The following ELOVL2 variants were observed in gnomAD, a reference collection of about 807,000 sequenced individuals.
ELOVL2 encodes ELOVL fatty acid elongase 2, also known as very long chain fatty acid elongase 2.
Under a neutral mutation model 37.7 loss-of-function variants are expected in ELOVL2, and 38 were observed. The observed-to-expected ratio is 1.01, with a 90% CI of 0.78 to 1.32. ELOVL2 has a LOEUF of 1.32. ELOVL2 is among the 40% of genes most tolerant of loss of function. ELOVL2 has a pLI of 0.00. For missense variants in ELOVL2, 352 were observed against 363.6 expected, an observed-to-expected ratio of 0.97 and a Z score of 0.26; for synonymous variants, 115 against 122.3, an observed-to-expected ratio of 0.94 and a Z score of 0.40.
At position 10,982,121 on chromosome 6, in the gene ELOVL2, G is replaced by C. The variant is rs1330549365; in HGVS notation, c.*1660C>G. 6.6e-6 allele frequency: 1 copy of C among 152,206 alleles called. No individual in the cohort carries two copies. Among genetic ancestry groups the C allele is most frequent in the Non-Finnish European group, 1.5e-5 (1 of 68,064 alleles). 9.4% of individuals were successfully genotyped at this position (152,206 alleles called of 1,614,324 possible). On this transcript the variant is annotated 3_prime_UTR_variant, in exon 8 of 8. Transcript: ENST00000354666. ...CAGGAGACATCTGTTCAACAGAAAT[G>C]GGTCGGCCGCACTGAAGGGAAGGAA...
At chr6:11,007,256 C>A (rs913927806) in intron 2 of ELOVL2, among the ~76,000 whole-genome samples, 1 of 152,148 alleles carries the variant, frequency 6.6e-6, no homozygotes, top group Non-Finnish European at 1.5e-5. Flanking sequence ...AGTCCTAACT[C>A]CTGGTATCTG....
At chr6:11,043,910 G>A (rs1165005852) in intron 1 of ELOVL2, 1 of 259,190 alleles carries the variant, frequency 3.9e-6, no homozygotes, top group Non-Finnish European at 7.3e-6. Flanking sequence ...GGCATCCCGG[G>A]CGCCCGGCCC....
At chr6:11,017,211 G>A (rs997317447) in intron 1 of ELOVL2, among the ~76,000 whole-genome samples, 1 of 152,130 alleles carries the variant, frequency 6.6e-6, no homozygotes, top group Non-Finnish European at 1.5e-5. Flanking sequence ...CACTTAGTAC[G>A]TGTCAGGCAC....
chr6:11,042,223 G>C (rs537619127), intron 1 of ELOVL2, among the ~76,000 whole-genome samples: 5 of 152,184 alleles, frequency 3.3e-5, no homozygotes, highest in African/African-American at 1.2e-4. Flanking sequence ...TGAGGCACGA[G>C]AATCACTTGA....
chr6:10,988,870 A>G (rs1350945545), intron 7 of ELOVL2, among the ~76,000 whole-genome samples: 1 of 152,252 alleles, frequency 6.6e-6, no homozygotes, highest in African/African-American at 2.4e-5. Flanking sequence ...GTTGTTAACT[A>G]AAAAGAAAAT....
chr6:11,021,849 G>A (rs1027319401), intron 1 of ELOVL2, among the ~76,000 whole-genome samples: 1 of 152,166 alleles, frequency 6.6e-6, no homozygotes, highest in Non-Finnish European at 1.5e-5. Context: ...AGAATCCTCT[G>A]CAAACTGGCA....
chr6:10,985,011 C>T (rs1046679928), intron 7 of ELOVL2, among the ~76,000 whole-genome samples: 1 of 152,162 alleles, frequency 6.6e-6, no homozygotes, highest in Non-Finnish European at 1.5e-5. Flanking sequence ...TTCTCCACAT[C>T]CTCTCCAGCA....
chr6:11,010,869 A>G (rs2113523452), intron 1 of ELOVL2, 60 bp from the exon 2 acceptor site: 2 of 1,363,728 alleles, frequency 1.5e-6, no homozygotes, highest in Admixed American at 1.9e-5. Flanking sequence ...GAAACGGTCA[A>G]AACAAGCCAC....
chr6:10,985,955 C>T (rs1334424820), intron 7 of ELOVL2, among the ~76,000 whole-genome samples: 4 of 152,164 alleles, frequency 2.6e-5, no homozygotes, highest in South Asian at 2.1e-4. Flanking sequence ...GCCATTTTCA[C>T]GATATTGATT....
chr6:11,043,909 G>A (rs778987997), intron 1 of ELOVL2: 13 of 258,484 alleles, frequency 5.0e-5, no homozygotes, highest in Non-Finnish European at 8.8e-5. Context: ...GGGCATCCCG[G>A]GCGCCCGGCC....
chr6:11,022,887 A>G (rs890812025), intron 1 of ELOVL2, among the ~76,000 whole-genome samples: 1 of 152,196 alleles, frequency 6.6e-6, no homozygotes, highest in Non-Finnish European at 1.5e-5. Flanking sequence ...CCTTCTCTCC[A>G]AGAGTATGGA....
chr6:10,987,850 A>G (rs1334287118), intron 7 of ELOVL2, among the ~76,000 whole-genome samples: 1 of 151,688 alleles, frequency 6.6e-6, no homozygotes, highest in African/African-American at 2.4e-5. Context: ...TATCCTTCCT[A>G]TTCTGACAAA....
intron 5 of ELOVL2, among the ~76,000 whole-genome samples, chr6:10,993,960 G>A (rs1434345158): frequency 7.3e-6 from 1 of 136,330 alleles, no homozygotes; most frequent in Non-Finnish European, 1.5e-5. Context: ...CGCCTGCCTT[G>A]GCCTCCTAAA....
At chr6:11,018,364 T>C (rs774363170) in intron 1 of ELOVL2, among the ~76,000 whole-genome samples, 6 of 152,182 alleles carry the variant, frequency 3.9e-5, no homozygotes, top group Non-Finnish European at 8.8e-5. Context: ...AGAAGGACAA[T>C]GCAAGAGTCA....
At chr6:11,017,119 G>C (rs1397202336) in intron 1 of ELOVL2, among the ~76,000 whole-genome samples, 1 of 152,194 alleles carries the variant, frequency 6.6e-6, no homozygotes, top group African/African-American at 2.4e-5. Flanking sequence ...TAAGGAATCT[G>C]AGGATCATTT....
chr6:11,010,023 CTTTT>C (rs150370092), intron 2 of ELOVL2, among the ~76,000 whole-genome samples: 4 of 132,986 alleles, frequency 3.0e-5, no homozygotes, highest in Non-Finnish European at 4.8e-5. Context: ...GCGCACACAT[CTTTT>C]TTTTTTTTTT....
chr6:11,013,096 A>T lies in ELOVL2; in HGVS notation c.4-2287T>A, dbSNP rs1782611249. 2.0e-5 allele frequency among the ~76,000 whole-genome samples: 3 copies of T among 152,264 alleles called. No homozygotes were observed. In the South Asian group the frequency reaches 6.2e-4, roughly 31 times the overall value. On this transcript the variant is annotated intron_variant, in intron 1 of 7. Coordinates refer to ENST00000354666, the MANE Select transcript of ELOVL2 (RefSeq NM_017770.4). ...ATCAGAAAGAAAGATTAACATAGAT[A>T]AAACACATTGAGGCATGACTCCCTT...
intron 3 of ELOVL2, among the ~76,000 whole-genome samples, chr6:11,005,119 A>G (rs754273920): frequency 2.0e-5 from 3 of 152,136 alleles, no homozygotes; most frequent in Admixed American, 6.5e-5. Flanking sequence ...AGATTGTGCC[A>G]TTGCCCTCCA....
intron 4 of ELOVL2, among the ~76,000 whole-genome samples, chr6:10,997,386 GTTC>G (rs1782288767): frequency 1.3e-5 from 2 of 152,026 alleles, no homozygotes; most frequent in African/African-American, 4.8e-5. Flanking sequence ...CCCAATCCAT[GTTC>G]AAATTTCTCG....
Sources: gnomAD v4.1 joint callset for allele counts (sites outside exome capture counted in the v4.1 genomes callset) on GRCh38, gnomAD v4.1.1 for gene constraint, MANE v1.5 for transcripts, NCBI Gene and HGNC (gene_info 2026-07-23, HGNC 2026-07-21) for gene names.